WDR70: variants seen among roughly 807,000 people sequenced by gnomAD.
The protein encoded by WDR70 is WD repeat domain 70.
WDR70 carries 53 observed loss-of-function variants against 88.6 expected under a neutral mutation model. The ratio of observed to expected loss-of-function variants is 0.60; its 90% CI spans 0.48 to 0.75. WDR70 has a LOEUF of 0.75. Ranked by LOEUF, WDR70 falls within the 30% of genes least tolerant of loss-of-function variation. WDR70 has a pLI of 0.00. For missense variants in WDR70, 610 were observed against 823.2 expected (o/e 0.74, Z 3.17); for synonymous variants, 280 against 270.0 (o/e 1.04, Z -0.36).
chr5:37,629,183 C>T (rs532380660), intron 10 of WDR70, among the ~76,000 whole-genome samples: 2 of 152,100 alleles, frequency 1.3e-5, no homozygotes, highest in Non-Finnish European at 2.9e-5. Flanking sequence ...TATGACTTGA[C>T]TCTTTTCTCT....
intron 5 of WDR70, among the ~76,000 whole-genome samples, chr5:37,415,916 C>G (rs370674320): frequency 1.1e-4 from 17 of 148,154 alleles, no homozygotes; most frequent in African/African-American, 4.3e-4. Context: ...GACGATGGGC[C>G]GCCGGGCAGA....
intron 10 of WDR70, among the ~76,000 whole-genome samples, chr5:37,687,678 A>C (rs1217337310): frequency 1.3e-5 from 2 of 152,194 alleles, no homozygotes; most frequent in East Asian, 3.8e-4. Context: ...TGTAGTCAAA[A>C]TCCCATATTC....
intron 7 of WDR70, among the ~76,000 whole-genome samples, chr5:37,478,392 G>A (rs754025209): frequency 6.6e-6 from 1 of 152,214 alleles, no homozygotes; most frequent in Non-Finnish European, 1.5e-5. Flanking sequence ...TAGCCAGTTT[G>A]TGGTTGATAC....
intron 10 of WDR70, among the ~76,000 whole-genome samples, chr5:37,677,435 T>C (rs1581487379): frequency 6.6e-6 from 1 of 152,218 alleles, no homozygotes; most frequent in Non-Finnish European, 1.5e-5. Flanking sequence ...GTATGTTGTC[T>C]CTTTGTTCTC....
At chr5:37,593,022 C>T (rs1204734481) in intron 9 of WDR70, among the ~76,000 whole-genome samples, 1 of 152,062 alleles carries the variant, frequency 6.6e-6, no homozygotes, top group Non-Finnish European at 1.5e-5. Context: ...AGGCATGTTG[C>T]CATGTGCCCA....
intron 8 of WDR70, chr5:37,506,223 G>T: frequency 1.0e-6 from 1 of 972,448 alleles, no homozygotes; most frequent in Non-Finnish European, 1.7e-6. Flanking sequence ...CTTGGTTGGA[G>T]TTGCTATCAA....
intron 11 of WDR70, among the ~76,000 whole-genome samples, chr5:37,699,400 TATACACACAC>T (rs1410414966): frequency 3.1e-4 from 46 of 146,998 alleles, no homozygotes; most frequent in East Asian, 1.2e-3. Flanking sequence ...TGTATATATA[TATACACACAC>T]ACACACACAC....
rs569746149 is a variant in WDR70, at chr5:37,441,583, T to G, written c.553-1656T>G. Among the ~76,000 whole-genome samples, 9 of 152,282 alleles carry G rather than the reference T, an allele frequency of 5.9e-5. No homozygotes were observed. In the Middle Eastern group the frequency reaches 0.01, roughly 173 times the overall value. On this transcript the variant is annotated intron_variant, in intron 6 of 17. Coordinates refer to ENST00000265107, the MANE Select transcript of WDR70 (RefSeq NM_018034.4). ...ACTTCTAATCCCAGCTTTGCGAGTC[T>G]GAGGCGGGCAAATCACCTGAGATCA...
intron 5 of WDR70, among the ~76,000 whole-genome samples, chr5:37,407,592 TTAAA>T (rs1425604130): frequency 3.9e-5 from 6 of 152,140 alleles, no homozygotes; most frequent in Admixed American, 6.6e-5. Flanking sequence ...CCCACAGAGG[TTAAA>T]TAATTAGTCC....
chr5:37,742,024 T>G (rs1361840193), intron 17 of WDR70, among the ~76,000 whole-genome samples: 1 of 152,206 alleles, frequency 6.6e-6, no homozygotes, highest in African/African-American at 2.4e-5. Flanking sequence ...TTGAGTTGCT[T>G]CTACTCTTTG....
intron 13 of WDR70, among the ~76,000 whole-genome samples, chr5:37,707,148 T>C (rs541075216): frequency 3.0e-4 from 46 of 152,356 alleles, no homozygotes; most frequent in Non-Finnish European, 6.0e-4. Context: ...TATTGTGAAA[T>C]GACTAATAGA....
intron 10 of WDR70, among the ~76,000 whole-genome samples, chr5:37,607,368 A>C (rs1001165432): frequency 4.6e-5 from 7 of 152,212 alleles, no homozygotes; most frequent in African/African-American, 1.7e-4. Context: ...AAATAATTAT[A>C]TGATGGATAA....
chr5:37,562,504 A>T (rs1479440401), intron 9 of WDR70, among the ~76,000 whole-genome samples: 1 of 150,384 alleles, frequency 6.6e-6, no homozygotes, highest in Non-Finnish European at 1.5e-5. Flanking sequence ...GGGATTTGGC[A>T]GGGTCACAGG....
intron 9 of WDR70, among the ~76,000 whole-genome samples, chr5:37,520,143 G>C (rs1741040616): frequency 6.6e-6 from 1 of 152,050 alleles, no homozygotes; most frequent in African/African-American, 2.4e-5. Flanking sequence ...GTATTATTTA[G>C]GTGAATCATT....
At chr5:37,408,421 CCG>C (rs1307889975) in intron 5 of WDR70, among the ~76,000 whole-genome samples, 1 of 151,994 alleles carries the variant, frequency 6.6e-6, no homozygotes, top group African/African-American at 2.4e-5. Flanking sequence ...TTCCAGTGAG[CCG>C]ATATTGCACC....
chr5:37,622,743 G>T (rs1253788407), intron 10 of WDR70, among the ~76,000 whole-genome samples: 1 of 152,068 alleles, frequency 6.6e-6, no homozygotes, highest in Non-Finnish European at 1.5e-5. Flanking sequence ...GCCTGTTGTG[G>T]GGTGGGGGGA....
At chr5:37,511,713 A>G (rs925504344) in intron 8 of WDR70, among the ~76,000 whole-genome samples, 3 of 152,152 alleles carry the variant, frequency 2.0e-5, no homozygotes, top group African/African-American at 7.2e-5. Context: ...CTTAATTTCT[A>G]TTTAACATCA....
chr5:37,564,524 AGGGAGAGGGAGACGGTG>A lies in WDR70; in HGVS notation c.918-40526_918-40510del, dbSNP rs1173624924. 3.9e-3 allele frequency among the ~76,000 whole-genome samples: 521 copies of A among 134,990 alleles called. 4 individuals are homozygous for A. Among genetic ancestry groups the A allele is most frequent in the Middle Eastern group, 0.011 (3 of 268 alleles). The allele number at this position is 134,990 out of a possible 152,430, so 88.6% of individuals were successfully genotyped here. ...CATCAGGGGGAGACCGTGGAAAGAG[AGGGAGAGGGAGACGGTG>A]GGGAGAGGGAGACCGTGGGGAGAGG... On this transcript the variant is annotated intron_variant, in intron 9 of 17. Coordinates refer to ENST00000265107, the MANE Select transcript of WDR70 (RefSeq NM_018034.4).
intron 10 of WDR70, among the ~76,000 whole-genome samples, chr5:37,693,029 A>G (rs1195915467): frequency 6.6e-6 from 1 of 152,178 alleles, no homozygotes; most frequent in Non-Finnish European, 1.5e-5. Flanking sequence ...CTCGGGATAC[A>G]AAATCCATGT....
Sources: allele counts gnomAD v4.1 joint callset (sites outside exome capture counted in the v4.1 genomes callset), GRCh38; gene constraint gnomAD v4.1.1; transcripts MANE v1.5; gene names NCBI Gene and HGNC (gene_info 2026-07-23, HGNC 2026-07-21).